ZNF148: variants seen among roughly 807,000 people sequenced by gnomAD.
The protein encoded by ZNF148 is zinc finger protein 148.
Under a neutral mutation model 67.7 loss-of-function variants are expected in ZNF148, and 7 were observed. The observed-to-expected ratio is 0.10, with a 90% confidence interval of 0.06 to 0.19. ZNF148 has a LOEUF of 0.19. Among genes scored for constraint, ZNF148 ranks in the 10% least tolerant of loss-of-function variants. The probability of loss-of-function intolerance (pLI) is 1.00; values close to 1 mark genes in which losing one functional copy is unlikely to be tolerated. For missense variants in ZNF148, 583 were observed against 947.1 expected (o/e 0.62, Z 5.05); for synonymous variants, 333 against 330.7 (o/e 1.01, Z -0.08).
At chr3:125,361,888 C>T (rs1394056127) in intron 1 of ZNF148, among the ~76,000 whole-genome samples, 4 of 152,008 alleles carry the variant, frequency 2.6e-5, no homozygotes, top group Non-Finnish European at 5.9e-5. Flanking sequence ...GACCACCCCC[C>T]TTTTCTTTAT....
intron 4 of ZNF148, among the ~76,000 whole-genome samples, chr3:125,293,563 G>A (rs916681339): frequency 1.3e-5 from 2 of 152,134 alleles, no homozygotes; most frequent in Non-Finnish European, 2.9e-5. Context: ...AGAAGCTAAA[G>A]TGTTCAAAAA....
chr3:125,309,944 A>AG (rs1940107113), intron 4 of ZNF148, among the ~76,000 whole-genome samples: 1 of 152,210 alleles, frequency 6.6e-6, no homozygotes. Flanking sequence ...AGAGAATAGC[A>AG]ATCATATGGC....
At chr3:125,370,477 AG>A (rs1364886733) in intron 1 of ZNF148, among the ~76,000 whole-genome samples, 2 of 152,244 alleles carry the variant, frequency 1.3e-5, no homozygotes, top group Admixed American at 1.3e-4. Flanking sequence ...TAGAGACTAC[AG>A]GAAGTCTCTG....
intron 3 of ZNF148, among the ~76,000 whole-genome samples, chr3:125,320,031 C>T (rs574125386): frequency 7.4e-4 from 112 of 152,300 alleles, no homozygotes; most frequent in Non-Finnish European, 1.2e-3. Context: ...CACAGAATCC[C>T]CTTTTCTCCT....
chr3:125,256,673 C>T (rs1937093406), intron 7 of ZNF148, among the ~76,000 whole-genome samples: 1 of 152,072 alleles, frequency 6.6e-6, no homozygotes. Flanking sequence ...GAGACTCCAT[C>T]TCAAAAAAAC....
At chr3:125,289,562 C>CA (rs1938894830) in intron 4 of ZNF148, among the ~76,000 whole-genome samples, 1 of 152,168 alleles carries the variant, frequency 6.6e-6, no homozygotes, top group South Asian at 2.1e-4. Flanking sequence ...CTTGGGAATA[C>CA]AGACCTCTTA....
intron 1 of ZNF148, among the ~76,000 whole-genome samples, chr3:125,365,558 C>G (rs766131516): frequency 3.3e-4 from 50 of 152,208 alleles, no homozygotes. Flanking sequence ...TGGCTCACAC[C>G]TGTAATCCCA....
chr3:125,342,001 G>A (rs1275834924), intron 1 of ZNF148, among the ~76,000 whole-genome samples: 3 of 149,418 alleles, frequency 2.0e-5, no homozygotes, highest in Admixed American at 6.9e-5. Context: ...TTTCGGGGCG[G>A]GGGGGGGAAT....
At chr3:125,266,004 T>C (rs1257781344) in intron 7 of ZNF148, among the ~76,000 whole-genome samples, 1 of 152,146 alleles carries the variant, frequency 6.6e-6, no homozygotes, top group Non-Finnish European at 1.5e-5. Context: ...AAGGGTTCAA[T>C]TCAACAAGAA....
At chr3:125,333,063 T>G (rs1002847021) in intron 1 of ZNF148, among the ~76,000 whole-genome samples, 1 of 152,234 alleles carries the variant, frequency 6.6e-6, no homozygotes, top group African/African-American at 2.4e-5. Context: ...TGATGTGATG[T>G]ATCTAATCCA....
At chr3:125,318,985 C>T (rs1041829044) in intron 3 of ZNF148, among the ~76,000 whole-genome samples, 5 of 152,054 alleles carry the variant, frequency 3.3e-5, no homozygotes, top group Admixed American at 3.3e-4. Context: ...TTAAATTTCC[C>T]CTCCCTGCTC....
At position 125,231,425 on chromosome 3, in the gene ZNF148, T is replaced by A. The variant is rs1348700572; in HGVS notation, c.*916A>T. On this transcript the variant is annotated 3_prime_UTR_variant, in exon 9 of 9. Transcript: ENST00000360647. Reference sequence around the variant, plus strand: ...TACCAAATAGATTCTAAGTGCTCTATGTTAACTGAAGTGTATATGTAAAGT... The same window carrying A: ...TACCAAATAGATTCTAAGTGCTCTAAGTTAACTGAAGTGTATATGTAAAGT... 6.6e-6 allele frequency: 1 copy of A among 152,558 alleles called. No homozygotes were observed. The highest frequency in any genetic ancestry group is 1.5e-5 in the Non-Finnish European group (1 of 67,966). 9.5% of individuals were successfully genotyped at this position (152,558 alleles called of 1,614,324 possible). A position where few individuals can be genotyped will look rare whatever the true frequency, so the allele number is the denominator to read the frequency against.
intron 7 of ZNF148, among the ~76,000 whole-genome samples, chr3:125,265,835 A>C (rs2107582384): frequency 6.6e-6 from 1 of 152,310 alleles, no homozygotes; most frequent in Non-Finnish European, 1.5e-5. Context: ...TTGTGTTTGC[A>C]GTCATTTTGT....
chr3:125,291,024 G>A (rs758865565), intron 4 of ZNF148, among the ~76,000 whole-genome samples: 5 of 152,112 alleles, frequency 3.3e-5, no homozygotes, highest in Admixed American at 6.6e-5. Flanking sequence ...AATATAAATT[G>A]TACCTAAAAT....
rs1027200928 is a variant in ZNF148, at chr3:125,229,958, T to C, written c.*2383A>G. On this transcript the variant is annotated 3_prime_UTR_variant, in exon 9 of 9. Transcript: ENST00000360647. ...AGTTATGCTGGCTGAGTATCACTTA[T>C]CTAAAAACTGCTTATAACCTGGTAG... 3.3e-5 allele frequency: 5 copies of C among 152,586 alleles called. No homozygotes were observed. The highest frequency in any genetic ancestry group is 1.2e-4 in the African/African-American group (5 of 41,448). 9.5% of individuals were successfully genotyped at this position (152,586 alleles called of 1,614,324 possible).
chr3:125,235,947 T>C (rs1442994889), intron 7 of ZNF148, among the ~76,000 whole-genome samples: 1 of 99,588 alleles, frequency 1.0e-5, no homozygotes, highest in African/African-American at 4.1e-5. Context: ...CCGGGGACTG[T>C]TGTGGGGTGG....
At chr3:125,351,259 G>A (rs762638211) in intron 1 of ZNF148, among the ~76,000 whole-genome samples, 4 of 151,966 alleles carry the variant, frequency 2.6e-5, no homozygotes, top group East Asian at 1.9e-4. Context: ...GCAGGTGCCT[G>A]TAGTCCTAGC....
At chr3:125,321,005 G>A (rs1321201848) in intron 3 of ZNF148, among the ~76,000 whole-genome samples, 2 of 152,136 alleles carry the variant, frequency 1.3e-5, no homozygotes, top group African/African-American at 4.8e-5. Flanking sequence ...TTTGCTATTT[G>A]TTATTCTGAA....
intron 5 of ZNF148, among the ~76,000 whole-genome samples, chr3:125,283,787 T>G (rs1229201581): frequency 6.6e-6 from 1 of 152,206 alleles, no homozygotes; most frequent in Non-Finnish European, 1.5e-5. Context: ...CATAATTCAA[T>G]CTTTCTGATA....
Sources: allele counts gnomAD v4.1 joint callset (sites outside exome capture counted in the v4.1 genomes callset), GRCh38; gene constraint gnomAD v4.1.1; transcripts MANE v1.5; gene names NCBI Gene and HGNC (gene_info 2026-07-23, HGNC 2026-07-21).